CACNA2D3: variants seen among roughly 807,000 people sequenced by gnomAD.
The protein encoded by CACNA2D3 is voltage-dependent calcium channel subunit alpha-2/delta-3.
Under a neutral mutation model 160.6 loss-of-function variants are expected in CACNA2D3, and 60 were observed. The observed-to-expected ratio is 0.37, with a 90% CI of 0.30 to 0.46. The LOEUF (loss-of-function observed/expected upper bound fraction) is 0.46. Ranked by LOEUF, CACNA2D3 falls within the 20% of genes least tolerant of loss-of-function variation. The pLI, the probability that CACNA2D3 is intolerant of heterozygous loss-of-function variation, is 1.00. For missense variants in CACNA2D3, 1,205 were observed against 1,365.0 expected, an observed-to-expected ratio of 0.88 and a Z score of 1.85; for synonymous variants, 558 against 492.9, an observed-to-expected ratio of 1.13 and a Z score of -1.75.
At chr3:54,202,465 A>T (rs1701197444) in intron 2 of CACNA2D3, among the ~76,000 whole-genome samples, 1 of 152,226 alleles carries the variant, frequency 6.6e-6, no homozygotes, top group African/African-American at 2.4e-5. Flanking sequence ...TGTTTGTTGC[A>T]GTTGCTTCCC....
intron 2 of CACNA2D3, among the ~76,000 whole-genome samples, chr3:54,303,522 C>T (rs530837444): frequency 6.6e-6 from 1 of 152,316 alleles, no homozygotes; most frequent in Non-Finnish European, 1.5e-5. Flanking sequence ...AGTATGTTTG[C>T]ACATATGCAC....
In CACNA2D3 at chr3:54,541,294, A is replaced by C. The variant is rs991697074; in HGVS notation, c.545-21506A>C. 1.3e-3 allele frequency among the ~76,000 whole-genome samples: 188 copies of C among 149,436 alleles called. 3 individuals carry two copies. Among genetic ancestry groups the C allele is most frequent in the African/African-American group, 4.4e-3 (180 of 41,206 alleles). The stretch of plus-strand genomic sequence containing the variant: ...TCCGTCTCAGAAAAAAAAAAAAAAA[A>C]AAAAAAAGAAAAGAAAAGAAAAGGA... On this transcript the variant is annotated intron_variant, in intron 5 of 37. Transcript: ENST00000474759.
chr3:54,298,438 C>CA (rs1316252168), intron 2 of CACNA2D3, among the ~76,000 whole-genome samples: 1 of 152,206 alleles, frequency 6.6e-6, no homozygotes, highest in Non-Finnish European at 1.5e-5. Context: ...ATAAAACCGA[C>CA]AGACGAGAGT....
At chr3:54,196,162 C>T (rs1701076129) in intron 2 of CACNA2D3, among the ~76,000 whole-genome samples, 1 of 152,246 alleles carries the variant, frequency 6.6e-6, no homozygotes. Context: ...CATTTGTCTA[C>T]TGAAATACGT....
At chr3:54,839,837 G>A (rs768313205) in intron 16 of CACNA2D3, among the ~76,000 whole-genome samples, 5 of 152,096 alleles carry the variant, frequency 3.3e-5, no homozygotes, top group East Asian at 1.9e-4. Flanking sequence ...CCAATCCCTC[G>A]TTCCCCAGCT....
chr3:54,350,737 G>T (rs1698537680), intron 3 of CACNA2D3, among the ~76,000 whole-genome samples: 1 of 152,168 alleles, frequency 6.6e-6, no homozygotes, highest in South Asian at 2.1e-4. Context: ...GATACTCGAA[G>T]CATCAACCTT....
intron 4 of CACNA2D3, among the ~76,000 whole-genome samples, chr3:54,472,213 T>G (rs1270226687): frequency 6.6e-6 from 1 of 152,232 alleles, no homozygotes; most frequent in African/African-American, 2.4e-5. Flanking sequence ...TCAAGTTGGC[T>G]TCATCCCTGG....
chr3:54,804,643 G>A (rs546067625), intron 13 of CACNA2D3, among the ~76,000 whole-genome samples: 12 of 152,058 alleles, frequency 7.9e-5, no homozygotes, highest in East Asian at 1.9e-4. Context: ...ACAGATCAAC[G>A]AGACAGAAAG....
At chr3:54,470,269 C>T (rs1575474554) in intron 4 of CACNA2D3, among the ~76,000 whole-genome samples, 1 of 152,126 alleles carries the variant, frequency 6.6e-6, no homozygotes, top group East Asian at 1.9e-4. Context: ...AGAGTGGGGG[C>T]CAATATTCAA....
In CACNA2D3 at chr3:54,907,206, T is replaced by A. The variant is rs553690647; in HGVS notation, c.2449+7338T>A. Among the ~76,000 whole-genome samples the A allele has an allele frequency of 4.6e-5, 7 of 152,326 alleles. No individual in the cohort carries two copies. In the South Asian group the frequency reaches 1.4e-3, roughly 32 times the overall value. ...TAGAGGTCATGGTGGGATGTGGACATAAAAGACAGTGTGAACTGAGTATTT... is the reference window on the plus strand; with the variant it reads ...TAGAGGTCATGGTGGGATGTGGACAAAAAAGACAGTGTGAACTGAGTATTT... On this transcript the variant is annotated intron_variant, in intron 27 of 37. Coordinates refer to ENST00000474759, the MANE Select transcript of CACNA2D3 (RefSeq NM_018398.3).
intron 3 of CACNA2D3, among the ~76,000 whole-genome samples, chr3:54,340,397 A>G (rs911196843): frequency 2.0e-5 from 3 of 152,212 alleles, no homozygotes; most frequent in Admixed American, 2.0e-4. Context: ...TGAGTTGCAG[A>G]CTTGTTATAG....
At chr3:54,602,517 AAAAAGGG>A (rs1703080925) in intron 9 of CACNA2D3, among the ~76,000 whole-genome samples, 2 of 151,498 alleles carry the variant, frequency 1.3e-5, no homozygotes, top group South Asian at 2.1e-4. Context: ...AAAAAAAAAA[AAAAAGGG>A]AAAAAAGAAA....
chr3:54,633,321 G>T lies in CACNA2D3; in HGVS notation c.1053+5445G>T, dbSNP rs577807245. On this transcript the variant is annotated intron_variant, in intron 10 of 37. Coordinates refer to ENST00000474759, the MANE Select transcript of CACNA2D3 (RefSeq NM_018398.3). ...ATCCCAGCTATGTCAGATAGTAGCTGTGTGACCTGGGGCAAGTTAGCTAAT... is the reference window on the plus strand; with the variant it reads ...ATCCCAGCTATGTCAGATAGTAGCTTTGTGACCTGGGGCAAGTTAGCTAAT... Among the ~76,000 whole-genome samples the T allele has an allele frequency of 4.6e-5, 7 of 152,280 alleles. No individual in the cohort carries two copies. The East Asian group carries it at 1.4e-3, about 29-fold the overall frequency.
At chr3:54,800,092 A>G (rs781033801) in intron 13 of CACNA2D3, among the ~76,000 whole-genome samples, 1 of 152,212 alleles carries the variant, frequency 6.6e-6, no homozygotes, top group Non-Finnish European at 1.5e-5. Context: ...CACAATGTTG[A>G]AAAGTGACAC....
chr3:54,209,786 C>T (rs1182153141), intron 2 of CACNA2D3, among the ~76,000 whole-genome samples: 1 of 152,196 alleles, frequency 6.6e-6, no homozygotes, highest in Non-Finnish European at 1.5e-5. Context: ...TGTCTAGAAA[C>T]GTCTTTGATC....
rs535185040 is a variant in CACNA2D3, at chr3:54,859,972, G to GCGCGCGCACACACA, written c.1627-11566_1627-11565insGCGCGCACACACAC. On this transcript the variant is annotated intron_variant, in intron 17 of 37. Transcript: ENST00000474759. ...TTAGAACATCATCTGGAAAGTAGATGCACACACACACACACACACACACAC... is the reference window on the plus strand; with the variant it reads ...TTAGAACATCATCTGGAAAGTAGATGCGCGCGCACACACACACACACACACACACACACACACAC... Among the ~76,000 whole-genome samples, 1,209 of 133,854 alleles carry GCGCGCGCACACACA rather than the reference G, an allele frequency of 9.0e-3. 24 individuals carry two copies. Among genetic ancestry groups the GCGCGCGCACACACA allele is most frequent in the African/African-American group, 0.031 (1,107 of 35,922 alleles). 87.8% of individuals were successfully genotyped at this position (133,854 alleles called of 152,430 possible). A position where few individuals can be genotyped will look rare whatever the true frequency, so the allele number is the denominator to read the frequency against.
At position 54,562,875 on chromosome 3, in the gene CACNA2D3, C is replaced by T. The variant is rs748165133; in HGVS notation, c.620C>T (p.Pro207Leu). ...KVFVDNFDRD[P>L]SLIWQYFGSA... ...TTTGTAGATAACTTTGACCGTGACCCATCTCTCATATGGCAGTACTTTGGA... is the reference window on the plus strand; with the variant it reads ...TTTGTAGATAACTTTGACCGTGACCTATCTCTCATATGGCAGTACTTTGGA... Residue 207 changes from proline (P) to leucine (L), a missense_variant, in exon 6 of 38, where the codon CCA becomes CTA. Pro to Leu is a moderately conservative substitution (Grantham distance 98, BLOSUM62 -3). This residue lies in a region of CACNA2D3 where 131 missense variants were observed against 201.5 expected (regional missense o/e 0.65). Transcript: ENST00000474759. The T allele has an allele frequency of 6.2e-7, 1 of 1,613,494 alleles. No individual in the cohort carries two copies. The highest frequency in any genetic ancestry group is 1.1e-5 in the South Asian group (1 of 91,040).
intron 2 of CACNA2D3, among the ~76,000 whole-genome samples, chr3:54,127,616 T>C (rs1435341970): frequency 1.3e-5 from 2 of 152,228 alleles, no homozygotes; most frequent in South Asian, 2.1e-4. Context: ...TTATTTGCCA[T>C]CCTGAATGAT....
At chr3:54,513,169 G>A (rs1701487031) in intron 5 of CACNA2D3, among the ~76,000 whole-genome samples, 1 of 152,154 alleles carries the variant, frequency 6.6e-6, no homozygotes, top group Admixed American at 6.5e-5. Flanking sequence ...TCCTTTTGCT[G>A]GTAACTCTTA....
Sources: gnomAD v4.1 joint callset for allele counts (sites outside exome capture counted in the v4.1 genomes callset) on GRCh38, gnomAD v4.1.1 for gene constraint, gnomAD v4.1.1 regional missense constraint, MANE v1.5 for transcripts, NCBI Gene and HGNC (gene_info 2026-07-23, HGNC 2026-07-21) for gene names.